The following ABCG1 variants were observed in gnomAD, a reference collection of about 807,000 sequenced individuals.
The protein encoded by ABCG1 is ATP-binding cassette sub-family G member 1.
In ABCG1, 29 loss-of-function variants were observed where a neutral mutation model predicts 69.2. The ratio of observed to expected loss-of-function variants is 0.42; its 90% CI spans 0.31 to 0.57. ABCG1 has a LOEUF of 0.57. Ranked by LOEUF, ABCG1 falls within the 20% of genes least tolerant of loss-of-function variation. The pLI is 0.15. For synonymous variants in ABCG1, 370 were observed against 374.8 expected, an observed-to-expected ratio of 0.99 and a Z score of 0.15; for missense variants, 718 against 898.1, an observed-to-expected ratio of 0.80 and a Z score of 2.56.
In ABCG1 at chr21:42,277,502, G is replaced by A. The variant is rs1344135116; in HGVS notation, c.588+557G>A. Among the ~76,000 whole-genome samples, 3 of 152,078 alleles carry A rather than the reference G, an allele frequency of 2.0e-5. No individual in the cohort carries two copies. The East Asian group carries it at 5.8e-4, about 29-fold the overall frequency. On this transcript the variant is annotated intron_variant, in intron 5 of 14. Coordinates refer to ENST00000398449, the MANE Select transcript of ABCG1 (RefSeq NM_016818.3). ...TTGGCTTCCTAAACCCAGGGAGCAG[G>A]GACAGATGCAGGTGGGCAGAGCCAG...
chr21:42,211,929 CA>C (rs1372976084), upstream of ABCG1, among the ~76,000 whole-genome samples: 1 of 151,772 alleles, frequency 6.6e-6, no homozygotes, highest in Non-Finnish European at 1.5e-5. Flanking sequence ...AAAACAATAA[CA>C]AAAAAAGAGA....
At chr21:42,239,344 C>T (rs190916292) in intron 2 of ABCG1, among the ~76,000 whole-genome samples, 78 of 152,340 alleles carry the variant, frequency 5.1e-4, no homozygotes, top group African/African-American at 1.8e-3. Flanking sequence ...CATGGCTACC[C>T]TTCTTATATG....
At chr21:42,215,605 T>C (rs2067631359), upstream of ABCG1, among the ~76,000 whole-genome samples, 1 of 152,046 alleles carries the variant, frequency 6.6e-6, no homozygotes, top group South Asian at 2.1e-4. Context: ...TGAATAGGTG[T>C]TCTTTGGTGG....
chr21:42,274,164 T>C (rs963496711), intron 4 of ABCG1, among the ~76,000 whole-genome samples: 1 of 152,124 alleles, frequency 6.6e-6, no homozygotes, highest in African/African-American at 2.4e-5. Flanking sequence ...TGCAAGACCG[T>C]ATGGGGTTGG....
Position 42,291,424 on chromosome 21 carries a change from G to A in ABCG1, c.1495-74G>A. The A allele has an allele frequency of 5.8e-6, 9 of 1,553,436 alleles. No homozygotes were observed. In the South Asian group the frequency reaches 9.7e-5, roughly 17 times the overall value. On this transcript the variant is annotated intron_variant, in intron 12 of 14. Transcript: ENST00000398449. The surrounding 1 kb of genome is among the most constrained non-coding windows in gnomAD (Gnocchi z 6.4). ...CGGGAGCTGCGGGGAAGGGCTGGCT[G>A]CCCAGGAGCTTTGCTGTTGGCCTGC...
intron 2 of ABCG1, among the ~76,000 whole-genome samples, chr21:42,258,768 A>T (rs2068354218): frequency 6.6e-6 from 1 of 152,180 alleles, no homozygotes; most frequent in Admixed American, 6.5e-5. Flanking sequence ...ACTCGGGATG[A>T]GGGCTGCCCC....
At chr21:42,286,106 C>T (rs2068935817) in intron 8 of ABCG1, 112 bp downstream of exon 8, 2 of 738,710 alleles carry the variant, frequency 2.7e-6, no homozygotes, top group South Asian at 3.1e-5. Context: ...CCACAAATAG[C>T]TCAAGTGTCA....
At chr21:42,223,241 C>T (rs1360327634) in intron 1 of ABCG1, among the ~76,000 whole-genome samples, 1 of 152,178 alleles carries the variant, frequency 6.6e-6, no homozygotes, top group Non-Finnish European at 1.5e-5. Flanking sequence ...TATGCTGTTC[C>T]CTAGCAGAGG....
At chr21:42,237,809 G>T (rs960234388) in intron 2 of ABCG1, among the ~76,000 whole-genome samples, 8 of 152,338 alleles carry the variant, frequency 5.3e-5, no homozygotes, top group African/African-American at 1.4e-4. Context: ...TCTGAGGGCT[G>T]TTTCTTTGGC....
chr21:42,259,743 C>A (rs2068373227), intron 2 of ABCG1, among the ~76,000 whole-genome samples: 1 of 152,230 alleles, frequency 6.6e-6, no homozygotes, highest in African/African-American at 2.4e-5. Flanking sequence ...GAAAGCAGCT[C>A]ACAGATTTGC....
intron 2 of ABCG1, among the ~76,000 whole-genome samples, chr21:42,269,237 T>C (rs1241217267): frequency 1.3e-5 from 2 of 152,200 alleles, no homozygotes; most frequent in Non-Finnish European, 2.9e-5. Flanking sequence ...TAGTGCTTTC[T>C]TGGGGATATC....
intron 1 of ABCG1, chr21:42,220,186 C>A: frequency 2.8e-6 from 2 of 708,272 alleles, no homozygotes; most frequent in Non-Finnish European, 4.8e-6. Context: ...GCCCAGCACA[C>A]CAACATCGTA....
chr21:42,216,255 G>A, upstream of ABCG1: 1 of 392,056 alleles, frequency 2.6e-6, no homozygotes, highest in Non-Finnish European at 5.2e-6. Context: ...TCGGCAGCGT[G>A]AAAATGGACT....
At chr21:42,219,122 CG>C (rs1460954364), upstream of ABCG1, 3 of 783,126 alleles carry the variant, frequency 3.8e-6, no homozygotes, top group African/African-American at 3.7e-5. This position sits in a 1 kb window ranked among gnomAD's most constrained non-coding sequence, Gnocchi z 5.3. Context: ...GAACCAGAGC[CG>C]GAGCCGGATC....
chr21:42,290,657 A>G (rs2069039070), intron 11 of ABCG1, among the ~76,000 whole-genome samples: 1 of 152,186 alleles, frequency 6.6e-6, no homozygotes, highest in Non-Finnish European at 1.5e-5. Context: ...CTGACAGTGA[A>G]CACAGCGGCT....
chr21:42,212,122 C>T (rs1489376120), upstream of ABCG1, among the ~76,000 whole-genome samples: 1 of 152,178 alleles, frequency 6.6e-6, no homozygotes, highest in Non-Finnish European at 1.5e-5. Context: ...ACTTCCCAGC[C>T]TCTAGAAGTG....
intron 2 of ABCG1, among the ~76,000 whole-genome samples, chr21:42,236,022 TG>T (rs1186341219): frequency 7.9e-5 from 12 of 152,210 alleles, no homozygotes; most frequent in African/African-American, 2.9e-4. Flanking sequence ...GTGCTGGTTT[TG>T]TTTTTAGCTG....
intron 5 of ABCG1, among the ~76,000 whole-genome samples, chr21:42,277,243 G>T (rs2068727538): frequency 6.6e-6 from 1 of 152,130 alleles, no homozygotes; most frequent in African/African-American, 2.4e-5. Context: ...CCAGCTTCAG[G>T]GTTAGACCAA....
Position 42,296,651 on chromosome 21 carries a change from T to G in ABCG1, c.*259T>G. 2.1e-6 allele frequency: 1 copy of G among 474,378 alleles called. No individual in the cohort carries two copies. The highest frequency in any genetic ancestry group is 3.9e-6 in the Non-Finnish European group (1 of 258,206). The allele number at this position is 474,378 out of a possible 1,614,324, so 29.4% of individuals were successfully genotyped here. On this transcript the variant is annotated 3_prime_UTR_variant, in exon 15 of 15. Coordinates refer to ENST00000398449, the MANE Select transcript of ABCG1 (RefSeq NM_016818.3). This position sits in a 1 kb window ranked among gnomAD's most constrained non-coding sequence, Gnocchi z 5.4. Reference sequence around the variant, plus strand: ...TTTTTTTTTTTTAACATACAGAATTTTAAATACCACAACTGGGGCAGAATT... The same window carrying G: ...TTTTTTTTTTTTAACATACAGAATTGTAAATACCACAACTGGGGCAGAATT...
Sources: allele counts gnomAD v4.1 joint callset (sites outside exome capture counted in the v4.1 genomes callset), GRCh38; gene constraint gnomAD v4.1.1; non-coding constraint Gnocchi (gnomAD v3.1); transcripts MANE v1.5; gene names NCBI Gene and HGNC (gene_info 2026-07-23, HGNC 2026-07-21).